PPP1R16A: variants seen among roughly 807,000 people sequenced by gnomAD.
PPP1R16A encodes the protein myosin phosphatase-targeting subunit 3.
Under a neutral mutation model 46.6 loss-of-function variants are expected in PPP1R16A, and 39 were observed. That is an observed-to-expected ratio of 0.84 (90% CI 0.65 to 1.09). PPP1R16A has a LOEUF of 1.09. Ranked by LOEUF, PPP1R16A falls within the 50% of genes least tolerant of loss-of-function variation. The pLI, the probability that PPP1R16A is intolerant of heterozygous loss-of-function variation, is 0.00. For synonymous variants in PPP1R16A, 413 were observed against 321.5 expected, an observed-to-expected ratio of 1.28 and a Z score of -3.04; for missense variants, 798 against 735.6, an observed-to-expected ratio of 1.08 and a Z score of -0.98.
In PPP1R16A at chr8:144,497,184, C is replaced by T; in HGVS notation, c.-11C>T. 1.3e-6 allele frequency: 2 copies of T among 1,550,210 alleles called. No homozygotes were observed. Among genetic ancestry groups the T allele is most frequent in the Non-Finnish European group, 8.7e-7 (1 of 1,149,984 alleles). On this transcript the variant is annotated 5_prime_UTR_variant, in exon 3 of 12. Coordinates refer to ENST00000435887, the MANE Select transcript of PPP1R16A (RefSeq NM_001329443.2). ...TGCCCCGAGCAGCCCTGTGGGCAAG[C>T]AGCCGCCGCCATGGCCGAGCACCTG...
intron 1 of PPP1R16A, among the ~76,000 whole-genome samples, chr8:144,482,776 G>C (rs1825483332): frequency 6.6e-6 from 1 of 151,762 alleles, no homozygotes; most frequent in African/African-American, 2.4e-5. Context: ...AGCCTCCCGA[G>C]TAGCTGGGAC....
intron 8 of PPP1R16A, 28 bp from the exon 9 acceptor site, chr8:144,500,656 CAG>C: frequency 6.2e-7 from 1 of 1,607,058 alleles, no homozygotes; most frequent in Non-Finnish European, 8.5e-7. Flanking sequence ...TCCAGCGCAG[CAG>C]TCTGCAGCTC....
Position 144,496,843 on chromosome 8 carries a change from C to T in PPP1R16A, c.-352C>T, listed in dbSNP as rs1826089175. On this transcript the variant is annotated 5_prime_UTR_variant, in exon 3 of 12. Coordinates refer to ENST00000435887, the MANE Select transcript of PPP1R16A (RefSeq NM_001329443.2). ...ACCTTGTTATCTGGGTAATTAGTTT[C>T]AGACCCTGCACTGAGGCCGGCCAGG... The T allele has an allele frequency of 2.1e-5, 8 of 384,110 alleles. No individual in the cohort carries two copies. In the East Asian group the frequency reaches 4.0e-4, roughly 19 times the overall value. 23.8% of individuals were successfully genotyped at this position (384,110 alleles called of 1,614,324 possible). A position where few individuals can be genotyped will look rare whatever the true frequency, so the allele number is the denominator to read the frequency against.
intron 1 of PPP1R16A, among the ~76,000 whole-genome samples, chr8:144,483,938 C>A (rs1393496390): frequency 6.6e-6 from 1 of 152,236 alleles, no homozygotes; most frequent in African/African-American, 2.4e-5. Context: ...ACCATCTTTC[C>A]TTCCAACTTC....
intron 1 of PPP1R16A, among the ~76,000 whole-genome samples, chr8:144,480,066 A>AG (rs1160555659): frequency 1.3e-5 from 2 of 152,250 alleles, no homozygotes; most frequent in Non-Finnish European, 2.9e-5. Context: ...ATGAGATAAG[A>AG]GAATGACAAG....
At chr8:144,486,106 A>T (rs913405624) in intron 1 of PPP1R16A, among the ~76,000 whole-genome samples, 2 of 152,210 alleles carry the variant, frequency 1.3e-5, no homozygotes, top group Non-Finnish European at 2.9e-5. Context: ...TATTATGAAT[A>T]AAGTTGCCAT....
At chr8:144,501,075 G>C (rs1177175510) in intron 10 of PPP1R16A, 54 bp from the exon 11 acceptor site, 11 of 1,576,298 alleles carry the variant, frequency 7.0e-6, no homozygotes, top group Non-Finnish European at 9.4e-6. Context: ...GGGGGTGGGC[G>C]GGGTCCTCCG....
intron 1 of PPP1R16A, among the ~76,000 whole-genome samples, chr8:144,481,133 G>A (rs866734291): frequency 4.1e-5 from 6 of 147,330 alleles, no homozygotes; most frequent in Admixed American, 6.7e-5. Context: ...CTCGTGATCC[G>A]CCCGCCTCGG....
intron 3 of PPP1R16A, 54 bp from the exon 4 acceptor site, chr8:144,498,716 G>A: frequency 6.6e-7 from 1 of 1,515,032 alleles, no homozygotes; most frequent in Non-Finnish European, 8.9e-7. Flanking sequence ...AAGCACAGTT[G>A]ACAGGACCTG....
At chr8:144,500,244 C>T (rs979727455) in intron 6 of PPP1R16A, 23 bp from the exon 7 acceptor site, 9 of 1,571,962 alleles carry the variant, frequency 5.7e-6, no homozygotes, top group African/African-American at 4.1e-5. Context: ...GGTCGCGCTC[C>T]CTCTGAGCCT....
At position 144,500,962 on chromosome 8, in the gene PPP1R16A, G is replaced by T; in HGVS notation, c.1028G>T (p.Gly343Val). 2 of 1,473,268 alleles carry T rather than the reference G, an allele frequency of 1.4e-6. No homozygotes were observed. The highest frequency in any genetic ancestry group is 2.9e-5 in the East Asian group (1 of 34,954). 91.3% of individuals were successfully genotyped at this position (1,473,268 alleles called of 1,614,324 possible). The change falls in exon 10 of 12, where the codon GGC (glycine) becomes GTC (valine). Residue 343 changes from glycine to valine, a missense_variant. By Grantham distance (109) the Gly-to-Val change is moderately radical. Transcript: ENST00000435887. ...SLLRRRTSSAGSRGKVVRRVS... is the reference protein window; with the variant it reads ...SLLRRRTSSAVSRGKVVRRVS... ...CTGCGCCGCCGCACCTCCAGCGCCG[G>T]CAGCCGCGGGTGAGCGCCGCCCCCA...
chr8:144,497,593 A>G lies in PPP1R16A; in HGVS notation c.259+140A>G, dbSNP rs746909634. 2.3e-6 allele frequency: 3 copies of G among 1,287,632 alleles called. No individual in the cohort carries two copies. In the South Asian group the frequency reaches 3.7e-5, roughly 16 times the overall value. 79.8% of individuals were successfully genotyped at this position (1,287,632 alleles called of 1,614,324 possible). ...CCCCCAGATCTTGCCTGGTCTCTTC[A>G]GGCTGGGTGGCCCAGGGTGCCCCCA... On this transcript the variant is annotated intron_variant, in intron 3 of 11. Coordinates refer to ENST00000435887, the MANE Select transcript of PPP1R16A (RefSeq NM_001329443.2).
chr8:144,478,797 G>T (rs1463786820), intron 1 of PPP1R16A: 1 of 152,300 alleles, frequency 6.6e-6, no homozygotes, highest in East Asian at 1.9e-4. Context: ...CAAGCACCCC[G>T]CCTGGGAGGG....
At chr8:144,491,707 G>T (rs1825815711) in intron 2 of PPP1R16A, among the ~76,000 whole-genome samples, 1 of 151,280 alleles carries the variant, frequency 6.6e-6, no homozygotes, top group Non-Finnish European at 1.5e-5. Flanking sequence ...AGCTCGCAGT[G>T]AGCGGAGATT....
Position 144,501,682 on chromosome 8 carries a change from CTGGCTGA to C in PPP1R16A, c.1367_1373del (p.Leu456ProfsTer2). 1 of 1,607,658 alleles carries C rather than the reference CTGGCTGA, an allele frequency of 6.2e-7. No individual in the cohort carries two copies. The highest frequency in any genetic ancestry group is 8.5e-7 in the Non-Finnish European group (1 of 1,177,828). On this transcript the variant is annotated frameshift_variant, in exon 12 of 12. Coordinates refer to ENST00000435887, the MANE Select transcript of PPP1R16A (RefSeq NM_001329443.2). LOFTEE classifies it low-confidence loss of function (END_TRUNC). ...GGTCCACGACAAGGCCCACCACACC[CTGGCTGA>C]CCTGAAGCGCCAGCGAGCTGCTGCC... is the stretch of plus-strand genomic sequence containing the variant.
chr8:144,481,206 G>A (rs553338596), intron 1 of PPP1R16A, among the ~76,000 whole-genome samples: 22 of 152,120 alleles, frequency 1.4e-4, no homozygotes, highest in African/African-American at 4.6e-4. Flanking sequence ...TGGGTTTTGT[G>A]AACAACGTCA....
rs1411083074 is a variant in PPP1R16A at position 144,501,351 on chromosome 8, TTC to T, written c.1203+64_1203+65del. 12 of 1,520,714 alleles carry T rather than the reference TTC, an allele frequency of 7.9e-6. No individual in the cohort carries two copies. In the South Asian group the frequency reaches 1.5e-4, roughly 19 times the overall value. 94.2% of individuals were successfully genotyped at this position (1,520,714 alleles called of 1,614,324 possible). A position where few individuals can be genotyped will look rare whatever the true frequency, so the allele number is the denominator to read the frequency against. The stretch of plus-strand genomic sequence containing the variant: ...AGGGGTGGGCCTGGCTCTGCCCTGG[TTC>T]TCTCTCCGCTTGGACCCCCTCCTGC... On this transcript the variant is annotated intron_variant, in intron 11 of 11. Coordinates refer to ENST00000435887, the MANE Select transcript of PPP1R16A (RefSeq NM_001329443.2).
At position 144,490,538 on chromosome 8, in the gene PPP1R16A, G is replaced by T. The variant is rs572317649; in HGVS notation, c.-735+326G>T. ...AAAAAAAGAAAGTGACCTGCTGTCT[G>T]CCCAGCCAAGGGCTGGGGAGAGACC... On this transcript the variant is annotated intron_variant, in intron 2 of 11. Transcript: ENST00000435887. Among the ~76,000 whole-genome samples the T allele has an allele frequency of 1.7e-3, 256 of 151,166 alleles. 1 individual carries two copies. Among genetic ancestry groups the T allele is most frequent in the African/African-American group, 5.8e-3 (242 of 41,384 alleles).
In PPP1R16A at chr8:144,499,044, G is replaced by A. The variant is rs1401009883; in HGVS notation, c.459G>A (p.Val153=). The change falls in exon 5 of 12, where the codon GTG becomes GTA. Residue 153 remains valine, a synonymous_variant. Transcript: ENST00000435887. ...AAATCGHLHL[V]ELLIASGANL... ...CCACCTGCGGCCACCTGCACCTGGT[G>A]GAGCTGCTCATCGCCAGGTAGGGCC... 1 of 1,583,710 alleles carries A rather than the reference G, an allele frequency of 6.3e-7. No homozygotes were observed. Among genetic ancestry groups the A allele is most frequent in the Admixed American group, 1.7e-5 (1 of 59,608 alleles).
Sources: allele counts gnomAD v4.1 joint callset (sites outside exome capture counted in the v4.1 genomes callset), GRCh38; gene constraint gnomAD v4.1.1; transcripts MANE v1.5; gene names NCBI Gene and HGNC (gene_info 2026-07-23, HGNC 2026-07-21).